The following KLHL29 variants were observed in gnomAD, a reference collection of about 807,000 sequenced individuals.
KLHL29 encodes kelch like family member 29, also known as kelch-like protein 29.
KLHL29 carries 21 observed loss-of-function variants against 80.4 expected under a neutral mutation model. The ratio of observed to expected loss-of-function variants is 0.26; its 90% confidence interval spans 0.19 to 0.38. The LOEUF (loss-of-function observed/expected upper bound fraction) is 0.38, where lower values mean the gene tolerates loss of function less well. KLHL29 is among the 10% of genes least tolerant of loss of function. The pLI is 1.00. For synonymous variants in KLHL29, 511 were observed against 526.8 expected (o/e 0.97, Z 0.41); for missense variants, 867 against 1,223.9 (o/e 0.71, Z 4.35).
intron 3 of KLHL29, among the ~76,000 whole-genome samples, chr2:23,572,114 C>T (rs1489330579): frequency 6.6e-6 from 1 of 152,192 alleles, no homozygotes; most frequent in Non-Finnish European, 1.5e-5. Context: ...TGTGTGTCAG[C>T]GGGTCTGTGT....
chr2:23,551,312 C>T (rs1667116965), intron 2 of KLHL29, among the ~76,000 whole-genome samples: 1 of 152,044 alleles, frequency 6.6e-6, no homozygotes, highest in African/African-American at 2.4e-5. Flanking sequence ...CAATTAGTCC[C>T]ACGAGAAAAG....
chr2:23,438,668 A>G (rs2103413203), intron 1 of KLHL29, among the ~76,000 whole-genome samples: 1 of 149,398 alleles, frequency 6.7e-6, no homozygotes, highest in East Asian at 2.0e-4. Flanking sequence ...AGCCCACTTG[A>G]TCGTGGTGGA....
chr2:23,536,728 T>C (rs557604516), intron 2 of KLHL29, among the ~76,000 whole-genome samples: 1 of 152,296 alleles, frequency 6.6e-6, no homozygotes, highest in African/African-American at 2.4e-5. Flanking sequence ...AAAGAATCTA[T>C]TGGAAGGGCC....
chr2:23,647,085 G>C lies in KLHL29; in HGVS notation c.940+4235G>C, dbSNP rs1669960068. The stretch of plus-strand genomic sequence containing the variant: ...GGAAGAAGCCCATGCTTGTCCACAG[G>C]GCTGGCAATCCCTGGTCAAGCCATT... On this transcript the variant is annotated intron_variant, in intron 5 of 13. Transcript: ENST00000486442. This position sits in a 1 kb window ranked among gnomAD's most constrained non-coding sequence, Gnocchi z 4.9. 6.6e-6 allele frequency among the ~76,000 whole-genome samples: 1 copy of C among 152,198 alleles called. No individual in the cohort carries two copies. Among genetic ancestry groups the C allele is most frequent in the Admixed American group, 6.5e-5 (1 of 15,288 alleles).
At chr2:23,441,495 A>T (rs1457328301) in intron 1 of KLHL29, among the ~76,000 whole-genome samples, 1 of 136,042 alleles carries the variant, frequency 7.4e-6, no homozygotes, top group African/African-American at 2.9e-5. Context: ...TAATAATAAT[A>T]ATTAATAATA....
intron 1 of KLHL29, among the ~76,000 whole-genome samples, chr2:23,461,171 A>G (rs1352245732): frequency 6.6e-6 from 1 of 152,202 alleles, no homozygotes; most frequent in South Asian, 2.1e-4. Flanking sequence ...CAGCAACCCA[A>G]TGGAGGAAAC....
At chr2:23,399,137 C>G (rs1037391469) in intron 1 of KLHL29, among the ~76,000 whole-genome samples, 1 of 152,214 alleles carries the variant, frequency 6.6e-6, no homozygotes, top group African/African-American at 2.4e-5. Flanking sequence ...TGTGTTTTAT[C>G]TTCACCACTC....
At chr2:23,484,928 A>G (rs1029635854) in intron 2 of KLHL29, among the ~76,000 whole-genome samples, 3 of 151,966 alleles carry the variant, frequency 2.0e-5, no homozygotes, top group South Asian at 2.1e-4. Flanking sequence ...CGCCTCTCCC[A>G]TCCCTACCTA....
chr2:23,484,730 C>T (rs940743987), intron 2 of KLHL29, among the ~76,000 whole-genome samples: 1 of 152,186 alleles, frequency 6.6e-6, no homozygotes, highest in African/African-American at 2.4e-5. Context: ...CGGTGCTCTG[C>T]CATCTTGCGC....
Position 23,536,981 on chromosome 2 carries a change from G to T in KLHL29, c.-45-25171G>T, listed in dbSNP as rs566720328. 3.3e-5 allele frequency among the ~76,000 whole-genome samples: 5 copies of T among 150,078 alleles called. No individual in the cohort carries two copies. In the South Asian group the frequency reaches 1.1e-3, roughly 32 times the overall value. On this transcript the variant is annotated intron_variant, in intron 2 of 13. Transcript: ENST00000486442. ...TCTCGCTCTCTCTCCTTCAGGTGTG[G>T]TGTAAAGGGCTGTTCTGGACCTGCT...
At chr2:23,591,833 G>T (rs116001712) in intron 3 of KLHL29, among the ~76,000 whole-genome samples, 1 of 152,000 alleles carries the variant, frequency 6.6e-6, no homozygotes, top group East Asian at 1.9e-4. Context: ...GCCCCTCAGG[G>T]CAGCCCCCCT....
intron 3 of KLHL29, among the ~76,000 whole-genome samples, chr2:23,592,742 C>T (rs1323153385): frequency 6.6e-6 from 1 of 152,222 alleles, no homozygotes; most frequent in Non-Finnish European, 1.5e-5. Context: ...TTCTCAGGGA[C>T]AGCCAAGAGG....
intron 3 of KLHL29, among the ~76,000 whole-genome samples, chr2:23,628,605 T>A (rs1205367144): frequency 6.6e-6 from 1 of 152,170 alleles, no homozygotes; most frequent in African/African-American, 2.4e-5. Flanking sequence ...TGAGCTGTGA[T>A]GGCACCATTG....
chr2:23,410,597 A>G (rs1666839224), intron 1 of KLHL29, among the ~76,000 whole-genome samples: 8 of 152,154 alleles, frequency 5.3e-5, no homozygotes, highest in Admixed American at 5.2e-4. Context: ...AATCATCCAC[A>G]TAAGATTCTG....
chr2:23,692,440 C>A (rs760724784), intron 7 of KLHL29, among the ~76,000 whole-genome samples: 3 of 152,214 alleles, frequency 2.0e-5, no homozygotes, highest in Non-Finnish European at 4.4e-5. Flanking sequence ...TGGGCGACGG[C>A]AAGGTGAGGG....
intron 1 of KLHL29, among the ~76,000 whole-genome samples, chr2:23,397,035 G>T (rs888601689): frequency 2.6e-5 from 4 of 152,140 alleles, no homozygotes; most frequent in South Asian, 4.1e-4. Context: ...GTCTGCTCTA[G>T]TGGCCCCTGG....
chr2:23,529,553 T>TC (rs1365031872), intron 2 of KLHL29, among the ~76,000 whole-genome samples: 2 of 151,900 alleles, frequency 1.3e-5, no homozygotes, highest in African/African-American at 2.4e-5. Context: ...GCTTCTCCCT[T>TC]CCCCCCACCT....
intron 2 of KLHL29, among the ~76,000 whole-genome samples, chr2:23,539,665 C>A (rs2103482872): frequency 6.6e-6 from 1 of 152,044 alleles, no homozygotes; most frequent in East Asian, 1.9e-4. Flanking sequence ...TGGTCTTGAA[C>A]TCCTGGGCTC....
intron 2 of KLHL29, among the ~76,000 whole-genome samples, chr2:23,498,843 G>C (rs1010204545): frequency 6.6e-6 from 1 of 152,188 alleles, no homozygotes; most frequent in Non-Finnish European, 1.5e-5. Context: ...GGCAGAACCT[G>C]GGTGAGGCCG....
Sources: gnomAD v4.1 joint callset for allele counts (sites outside exome capture counted in the v4.1 genomes callset) on GRCh38, gnomAD v4.1.1 for gene constraint, Gnocchi (gnomAD v3.1) non-coding constraint, MANE v1.5 for transcripts, NCBI Gene and HGNC (gene_info 2026-07-23, HGNC 2026-07-21) for gene names.